Variants in PXDC1 observed in about 807,000 individuals in gnomAD.
PXDC1 encodes the protein PX domain-containing protein 1.
In PXDC1, 13 loss-of-function variants were observed where a neutral mutation model predicts 24.4. The observed-to-expected ratio is 0.53, with a 90% CI of 0.35 to 0.85. The LOEUF (loss-of-function observed/expected upper bound fraction) is 0.85, where lower values mean the gene tolerates loss of function less well. Among genes scored for constraint, PXDC1 ranks in the 40% least tolerant of loss-of-function variants. PXDC1 has a pLI of 0.01. For synonymous variants in PXDC1, 162 were observed against 124.9 expected, an observed-to-expected ratio of 1.30 and a Z score of -1.98; for missense variants, 344 against 309.3, an observed-to-expected ratio of 1.11 and a Z score of -0.84.
At chr6:3,749,141 C>T (rs1191573584) in intron 1 of PXDC1, among the ~76,000 whole-genome samples, 1 of 152,138 alleles carries the variant, frequency 6.6e-6, no homozygotes, top group South Asian at 2.1e-4. Flanking sequence ...AAACCAAGGA[C>T]TAGAATGAAG....
At chr6:3,729,356 C>G (rs1760146875) in intron 3 of PXDC1, among the ~76,000 whole-genome samples, 1 of 152,272 alleles carries the variant, frequency 6.6e-6, no homozygotes, top group East Asian at 1.9e-4. Context: ...CCCATAGGAT[C>G]AAAATGTCGA....
chr6:3,738,545 C>A (rs1419180047), intron 1 of PXDC1, among the ~76,000 whole-genome samples: 1 of 152,224 alleles, frequency 6.6e-6, no homozygotes, highest in East Asian at 1.9e-4. Flanking sequence ...AGCCCACCCC[C>A]AGTGACACAG....
At chr6:3,731,345 T>C (rs1253469957) in intron 3 of PXDC1, among the ~76,000 whole-genome samples, 1 of 152,226 alleles carries the variant, frequency 6.6e-6, no homozygotes, top group Non-Finnish European at 1.5e-5. Context: ...AAGAAAATGC[T>C]GTCATTCAAG....
At chr6:3,747,855 C>A (rs1347289529) in intron 1 of PXDC1, among the ~76,000 whole-genome samples, 1 of 152,098 alleles carries the variant, frequency 6.6e-6, no homozygotes, top group African/African-American at 2.4e-5. Flanking sequence ...CACTGCTGTG[C>A]CACCATCACC....
chr6:3,733,534 C>T (rs1279070823), intron 3 of PXDC1, among the ~76,000 whole-genome samples: 7 of 152,218 alleles, frequency 4.6e-5, no homozygotes, highest in Middle Eastern at 3.4e-3. Context: ...GAACAGAGAT[C>T]GGAAGGTCTG....
intron 1 of PXDC1, among the ~76,000 whole-genome samples, chr6:3,745,139 G>A (rs746201995): frequency 5.9e-5 from 9 of 152,324 alleles, no homozygotes; most frequent in Middle Eastern, 3.4e-3. Context: ...GTTCGGTGGT[G>A]ACCTCCCTCT....
At chr6:3,749,823 G>A (rs1019982173) in intron 1 of PXDC1, among the ~76,000 whole-genome samples, 2 of 152,208 alleles carry the variant, frequency 1.3e-5, no homozygotes, top group East Asian at 1.9e-4. Context: ...GAGCTCAGAC[G>A]CCTGACCACA....
rs543672290 is a variant in PXDC1 at position 3,743,795 on chromosome 6, CAGA to C, written c.257-5650_257-5648del. ...GATTGCGGCTGTGTGGACACCAGGA[CAGA>C]AGGCCTCCCCCACACCTCCACGCTG... On this transcript the variant is annotated intron_variant, in intron 1 of 4. Coordinates refer to ENST00000380283, the MANE Select transcript of PXDC1 (RefSeq NM_183373.4). Among the ~76,000 whole-genome samples, 7 of 152,346 alleles carry C rather than the reference CAGA, an allele frequency of 4.6e-5. No individual in the cohort carries two copies. The South Asian group carries it at 1.4e-3, about 32-fold the overall frequency.
chr6:3,750,451 G>C lies in PXDC1; in HGVS notation c.256+825C>G, dbSNP rs954540106. 5.3e-5 allele frequency among the ~76,000 whole-genome samples: 8 copies of C among 150,078 alleles called. 1 individual carries two copies. Among genetic ancestry groups the C allele is most frequent in the Admixed American group, 1.3e-4 (2 of 15,076 alleles). ...GCCCTCCCAGGCGGCCCCTCTCCTC[G>C]GCCTGCCCCCTCCACCCCGCAATTC... On this transcript the variant is annotated intron_variant, in intron 1 of 4. Transcript: ENST00000380283.
chr6:3,749,227 C>A (rs1162403935), intron 1 of PXDC1, among the ~76,000 whole-genome samples: 1 of 150,360 alleles, frequency 6.7e-6, no homozygotes, highest in Non-Finnish European at 1.5e-5. Flanking sequence ...CTGTCCCCAG[C>A]AGAGAGAGCA....
At position 3,723,396 on chromosome 6, in the gene PXDC1, C is replaced by CG; in HGVS notation, c.*222dup. On this transcript the variant is annotated 3_prime_UTR_variant, in exon 5 of 5. Transcript: ENST00000380283. ...CTCAGAACACAGGCCCTGTGGCCTC[C>CG]GGCTGTGACCTCAGCTTGCTGGAGA... is the stretch of plus-strand genomic sequence containing the variant. 1.7e-6 allele frequency: 1 copy of CG among 578,678 alleles called. No individual in the cohort carries two copies. The highest frequency in any genetic ancestry group is 2.2e-5 in the South Asian group (1 of 44,774). 35.8% of individuals were successfully genotyped at this position (578,678 alleles called of 1,614,324 possible). A position where few individuals can be genotyped will look rare whatever the true frequency, so the allele number is the denominator to read the frequency against.
chr6:3,738,707 C>T, intron 1 of PXDC1: 1 of 1,160,746 alleles, frequency 8.6e-7, no homozygotes, highest in Non-Finnish European at 1.1e-6. Flanking sequence ...ACTCATGCCA[C>T]TTTCCAGGAA....
At chr6:3,723,809 G>A (rs913844485) in intron 4 of PXDC1, 73 bp from the exon 5 acceptor site, 21 of 1,204,668 alleles carry the variant, frequency 1.7e-5, no homozygotes, top group Non-Finnish European at 2.5e-5. Flanking sequence ...CCGGGACCAT[G>A]AGCATGACTT....
intron 1 of PXDC1, among the ~76,000 whole-genome samples, chr6:3,747,130 C>A (rs912396865): frequency 3.9e-5 from 6 of 151,956 alleles, no homozygotes; most frequent in Non-Finnish European, 7.4e-5. Flanking sequence ...TCCTGAGCCA[C>A]CCCCTCCCCC....
intron 1 of PXDC1, among the ~76,000 whole-genome samples, chr6:3,747,832 T>C (rs975699228): frequency 6.6e-6 from 1 of 152,228 alleles, no homozygotes; most frequent in Non-Finnish European, 1.5e-5. Context: ...AGGGATGTTC[T>C]TGGTCTCTTG....
intron 1 of PXDC1, chr6:3,750,977 C>G (rs1760698745): frequency 2.7e-6 from 1 of 365,110 alleles, no homozygotes; most frequent in Non-Finnish European, 4.9e-6. Context: ...CCCCCGCCCT[C>G]CTCGGAAGTG....
intron 1 of PXDC1, among the ~76,000 whole-genome samples, chr6:3,742,753 CCAAA>C (rs1760477014): frequency 1.3e-5 from 2 of 152,116 alleles, no homozygotes; most frequent in African/African-American, 2.4e-5. Context: ...CCAGATGTAG[CCAAA>C]CAATTAAGAA....
At chr6:3,740,363 C>T (rs544805155) in intron 1 of PXDC1, among the ~76,000 whole-genome samples, 3 of 152,208 alleles carry the variant, frequency 2.0e-5, no homozygotes, top group East Asian at 1.9e-4. Context: ...AAATAAGACA[C>T]GTGATGCCTA....
chr6:3,727,785 C>T, intron 3 of PXDC1, 123 bp from the exon 4 acceptor site: 1 of 661,382 alleles, frequency 1.5e-6, no homozygotes, highest in Non-Finnish European at 2.7e-6. Flanking sequence ...CTCTTCCACA[C>T]CGTAAGAGAA....
Sources: gnomAD v4.1 joint callset for allele counts (sites outside exome capture counted in the v4.1 genomes callset) on GRCh38, gnomAD v4.1.1 for gene constraint, MANE v1.5 for transcripts, NCBI Gene and HGNC (gene_info 2026-07-23, HGNC 2026-07-21) for gene names.